The following COLGALT2 variants were observed in gnomAD, a reference collection of about 807,000 sequenced individuals.
COLGALT2 encodes collagen beta(1-O)galactosyltransferase 2, also known as procollagen galactosyltransferase 2.
In COLGALT2, 49 loss-of-function variants were observed where a neutral mutation model predicts 73.4. That is an observed-to-expected ratio of 0.67 (90% CI 0.53 to 0.85). The LOEUF (loss-of-function observed/expected upper bound fraction) is 0.85. Ranked by LOEUF, COLGALT2 falls within the 40% of genes least tolerant of loss-of-function variation. The pLI is 0.00. For missense variants in COLGALT2, 722 were observed against 790.2 expected (o/e 0.91, Z 1.03); for synonymous variants, 295 against 307.6 (o/e 0.96, Z 0.43).
At chr1:184,013,766 G>A (rs755390879) in intron 1 of COLGALT2, among the ~76,000 whole-genome samples, 45 of 151,978 alleles carry the variant, frequency 3.0e-4, no homozygotes, top group Non-Finnish European at 5.9e-4. Context: ...AAAACAGAGG[G>A]GCAGAGCAAT....
At chr1:184,016,805 T>G (rs2102851762) in intron 1 of COLGALT2, among the ~76,000 whole-genome samples, 1 of 152,210 alleles carries the variant, frequency 6.6e-6, no homozygotes, top group South Asian at 2.1e-4. Flanking sequence ...CTCAGAAAAA[T>G]ATTTTATTAG....
chr1:184,030,279 T>G (rs1649466810), intron 1 of COLGALT2, among the ~76,000 whole-genome samples: 1 of 152,318 alleles, frequency 6.6e-6, no homozygotes, highest in East Asian at 1.9e-4. Flanking sequence ...TGTCAAAACA[T>G]AGAATACATA....
At chr1:183,945,218 C>A (rs550328723) in intron 9 of COLGALT2, among the ~76,000 whole-genome samples, 1 of 152,056 alleles carries the variant, frequency 6.6e-6, no homozygotes. Flanking sequence ...ATGGGTGTCT[C>A]CCCCGTCACC....
At chr1:183,973,797 A>G in intron 3 of COLGALT2, 47 bp from the exon 4 acceptor site, 7 of 1,585,950 alleles carry the variant, frequency 4.4e-6, no homozygotes, top group Non-Finnish European at 6.0e-6. Context: ...ACTTTTCAGT[A>G]ATGAGTTTGA....
chr1:183,959,695 C>G (rs1054600936), intron 6 of COLGALT2, among the ~76,000 whole-genome samples: 3 of 152,058 alleles, frequency 2.0e-5, no homozygotes, highest in African/African-American at 7.2e-5. Context: ...TCTAAATGCA[C>G]AAGTCACTTC....
chr1:183,957,659 C>T (rs773988243), intron 6 of COLGALT2, among the ~76,000 whole-genome samples: 16 of 152,124 alleles, frequency 1.1e-4, no homozygotes, highest in South Asian at 2.1e-4. Flanking sequence ...AATAATCTTC[C>T]GCCGCACAGC....
At chr1:183,939,515 A>G (rs1351730218) in intron 11 of COLGALT2, among the ~76,000 whole-genome samples, 1 of 152,238 alleles carries the variant, frequency 6.6e-6, no homozygotes, top group Non-Finnish European at 1.5e-5. Context: ...AAGGAGACGG[A>G]TGACTTGGCC....
chr1:183,934,397 C>G (rs1185006210), downstream of COLGALT2, among the ~76,000 whole-genome samples: 1 of 152,180 alleles, frequency 6.6e-6, no homozygotes, highest in African/African-American at 2.4e-5. Context: ...CCTCATATGC[C>G]CCTCCTCTCC....
At chr1:184,003,492 G>A (rs1211607302) in intron 1 of COLGALT2, among the ~76,000 whole-genome samples, 1 of 147,796 alleles carries the variant, frequency 6.8e-6, no homozygotes, top group Non-Finnish European at 1.5e-5. Context: ...AGTCATGGGA[G>A]TGATGAGCCT....
intron 4 of COLGALT2, among the ~76,000 whole-genome samples, chr1:183,970,051 A>G (rs966375532): frequency 6.6e-6 from 1 of 152,206 alleles, no homozygotes; most frequent in Non-Finnish European, 1.5e-5. Flanking sequence ...TTAAAATGAC[A>G]TTACACTGTG....
At chr1:183,993,005 C>T (rs1461212580) in intron 1 of COLGALT2, among the ~76,000 whole-genome samples, 2 of 152,146 alleles carry the variant, frequency 1.3e-5, no homozygotes, top group Non-Finnish European at 2.9e-5. Context: ...CAGGACAGTG[C>T]CTGGCATCAG....
intron 1 of COLGALT2, among the ~76,000 whole-genome samples, chr1:184,030,031 C>T (rs1272883047): frequency 1.3e-5 from 2 of 152,136 alleles, no homozygotes; most frequent in Non-Finnish European, 2.9e-5. Context: ...TGGTCACTGG[C>T]AGGTGGTATA....
intron 1 of COLGALT2, among the ~76,000 whole-genome samples, chr1:184,019,478 A>G (rs1649109303): frequency 6.6e-6 from 1 of 152,214 alleles, no homozygotes; most frequent in Non-Finnish European, 1.5e-5. Context: ...TAACTGATGA[A>G]CTAGATTAAA....
chr1:183,951,318 C>A (rs16861796), intron 7 of COLGALT2, among the ~76,000 whole-genome samples: 2 of 152,150 alleles, frequency 1.3e-5, no homozygotes. Flanking sequence ...CTCAACTCTT[C>A]GTAGTGACTT....
chr1:184,018,581 A>G (rs1250245168), intron 1 of COLGALT2, among the ~76,000 whole-genome samples: 2 of 152,190 alleles, frequency 1.3e-5, no homozygotes, highest in African/African-American at 4.8e-5. Flanking sequence ...AAATTTTTTC[A>G]TTGCTAATAA....
Position 183,938,480 on chromosome 1 carries a change from G to A in COLGALT2, c.*281C>T. 3.1e-6 allele frequency: 4 copies of A among 1,276,782 alleles called. No homozygotes were observed. The South Asian group carries it at 5.5e-5, about 17-fold the overall frequency. 79.1% of individuals were successfully genotyped at this position (1,276,782 alleles called of 1,614,324 possible). On this transcript the variant is annotated 3_prime_UTR_variant, in exon 12 of 12. Transcript: ENST00000361927. ...CTTAATGTGGGAATCAGTATCACATGAGTAGTGAACTGAAGAATTAGGTGT... is the reference window on the plus strand; with the variant it reads ...CTTAATGTGGGAATCAGTATCACATAAGTAGTGAACTGAAGAATTAGGTGT...
Position 183,964,080 on chromosome 1 carries a change from C to T in COLGALT2, c.833-60G>A, listed in dbSNP as rs192966327. On this transcript the variant is annotated intron_variant, in intron 5 of 11. Transcript: ENST00000361927. ...AGAAAACATACTGCTGAGTGACAAGCGAGGAGAAGGAACCTGAACTGTGTC... is the reference window on the plus strand; with the variant it reads ...AGAAAACATACTGCTGAGTGACAAGTGAGGAGAAGGAACCTGAACTGTGTC... The T allele has an allele frequency of 9.6e-4, 1,527 of 1,585,360 alleles. 12 individuals carry two copies. The highest frequency in any genetic ancestry group is 2.7e-4 in the Non-Finnish European group (314 of 1,163,612).
Position 183,945,465 on chromosome 1 carries a change from G to A in COLGALT2, c.1236C>T (p.Gly412=). ...AGACTGAGTAGTGGCTGAGAAAGCA[G>A]CCGATTTCACCCCTTGTTAGAGGCC... The part of the protein sequence containing the change: ...SSRPLTRGEI[G]CFLSHYSVWK... The change falls in exon 9 of 12, where the codon GGC becomes GGT. Residue 412 remains glycine (G), a synonymous_variant. Transcript: ENST00000361927. 1.2e-6 allele frequency: 2 copies of A among 1,614,182 alleles called. No individual in the cohort carries two copies. The highest frequency in any genetic ancestry group is 1.7e-6 in the Non-Finnish European group (2 of 1,180,036).
intron 1 of COLGALT2, among the ~76,000 whole-genome samples, chr1:183,988,261 G>A (rs952661043): frequency 1.3e-5 from 2 of 152,200 alleles, no homozygotes; most frequent in Admixed American, 1.3e-4. Flanking sequence ...GAGTGTAAGT[G>A]TACACTTCCT....
Sources: allele counts gnomAD v4.1 joint callset (sites outside exome capture counted in the v4.1 genomes callset), GRCh38; gene constraint gnomAD v4.1.1; transcripts MANE v1.5; gene names NCBI Gene and HGNC (gene_info 2026-07-23, HGNC 2026-07-21).